RBFOX1: variants seen among roughly 807,000 people sequenced by gnomAD.
RBFOX1 encodes the protein RNA binding protein fox-1 homolog 1.
In RBFOX1, 8 loss-of-function variants were observed where a neutral mutation model predicts 57.7. That is an observed-to-expected ratio of 0.14 (90% CI 0.08 to 0.25). The LOEUF (loss-of-function observed/expected upper bound fraction) is 0.25, where lower values mean the gene tolerates loss of function less well. RBFOX1 is among the 10% of genes least tolerant of loss of function. RBFOX1 has a pLI of 1.00. For missense variants in RBFOX1, 611 were observed against 548.5 expected (o/e 1.11, Z -1.14); for synonymous variants, 326 against 222.4 (o/e 1.47, Z -4.15).
intron 4 of RBFOX1, among the ~76,000 whole-genome samples, chr16:5,993,450 G>A (rs1321435869): frequency 1.3e-5 from 2 of 151,698 alleles, no homozygotes; most frequent in South Asian, 2.1e-4. Flanking sequence ...AGACTTTCAA[G>A]CCTGTTTTGT....
intron 3 of RBFOX1, among the ~76,000 whole-genome samples, chr16:6,866,345 C>T (rs1010439559): frequency 2.0e-5 from 3 of 151,762 alleles, no homozygotes; most frequent in Non-Finnish European, 2.9e-5. Context: ...TCACTTCTTA[C>T]AGTGTAATAA....
chr16:7,708,941 T>C (rs535394173), intron 14 of RBFOX1, 115 bp from the exon 15 acceptor site: 18 of 893,926 alleles, frequency 2.0e-5, no homozygotes, highest in Non-Finnish European at 3.3e-5. Flanking sequence ...AATTTGCTTC[T>C]CACTGGAAGA....
chr16:5,662,661 A>C (rs1054477123), intron 3 of RBFOX1, among the ~76,000 whole-genome samples: 5 of 152,212 alleles, frequency 3.3e-5, no homozygotes, highest in African/African-American at 9.6e-5. Flanking sequence ...CTTAAAACAC[A>C]TGAAATATGG....
chr16:7,173,404 G>C (rs1476790484), intron 4 of RBFOX1, among the ~76,000 whole-genome samples: 2 of 152,072 alleles, frequency 1.3e-5, no homozygotes, highest in Non-Finnish European at 2.9e-5. Context: ...GAAACAACAG[G>C]GTATACGTAT....
intron 2 of RBFOX1, among the ~76,000 whole-genome samples, chr16:6,468,167 G>C (rs1428697266): frequency 6.6e-6 from 1 of 152,190 alleles, no homozygotes; most frequent in Non-Finnish European, 1.5e-5. Flanking sequence ...AACACCTCCA[G>C]TATAATGGCA....
chr16:7,199,064 C>G (rs2087569682), intron 4 of RBFOX1, among the ~76,000 whole-genome samples: 1 of 152,184 alleles, frequency 6.6e-6, no homozygotes, highest in African/African-American at 2.4e-5. Flanking sequence ...GTAAGAATAT[C>G]ATCACCACAG....
At chr16:6,439,121 T>C (rs1206880034) in intron 2 of RBFOX1, among the ~76,000 whole-genome samples, 1 of 152,190 alleles carries the variant, frequency 6.6e-6, no homozygotes, top group East Asian at 1.9e-4. Flanking sequence ...CAAGGGCAGC[T>C]GGATCCCACT....
chr16:6,716,090 T>G (rs1275168992), intron 3 of RBFOX1, among the ~76,000 whole-genome samples: 1 of 152,238 alleles, frequency 6.6e-6, no homozygotes, highest in East Asian at 1.9e-4. Flanking sequence ...TGACAATATG[T>G]GTTTTTGGAA....
chr16:5,500,832 T>TA (rs1376856351), intron 2 of RBFOX1, among the ~76,000 whole-genome samples: 3 of 152,218 alleles, frequency 2.0e-5, no homozygotes, highest in Non-Finnish European at 4.4e-5. Flanking sequence ...ATCCTATACT[T>TA]ACGAATTGCC....
intron 2 of RBFOX1, among the ~76,000 whole-genome samples, chr16:6,626,718 C>A (rs989403572): frequency 1.3e-5 from 2 of 151,896 alleles, no homozygotes; most frequent in Non-Finnish European, 2.9e-5. Context: ...CAAGATTGCA[C>A]CACAGCACCC....
intron 2 of RBFOX1, among the ~76,000 whole-genome samples, chr16:6,362,241 T>C (rs916421582): frequency 6.6e-6 from 1 of 152,110 alleles, no homozygotes; most frequent in South Asian, 2.1e-4. Flanking sequence ...TCACATCTAT[T>C]TGTGAAACAC....
At chr16:6,134,779 G>T (rs937589998) in intron 1 of RBFOX1, among the ~76,000 whole-genome samples, 39 of 151,322 alleles carry the variant, frequency 2.6e-4, no homozygotes, top group South Asian at 1.0e-3. Flanking sequence ...CCGGGTTCAC[G>T]CCATAAACTC....
chr16:6,613,005 GTGTGTGTGT>G (rs2098087500), intron 2 of RBFOX1, among the ~76,000 whole-genome samples: 1 of 1,364 alleles, frequency 7.3e-4, no homozygotes, highest in African/African-American at 1.1e-3. Context: ...GTCCCAGCAT[GTGTGTGTGT>G]GTGTGTGTGT....
chr16:7,611,312 G>C (rs990640346), intron 10 of RBFOX1, among the ~76,000 whole-genome samples: 1 of 152,120 alleles, frequency 6.6e-6, no homozygotes, highest in African/African-American at 2.4e-5. Context: ...TTGACCAGGC[G>C]TGGTGGCTCA....
chr16:7,246,803 G>A (rs2094320550), intron 4 of RBFOX1, among the ~76,000 whole-genome samples: 1 of 151,936 alleles, frequency 6.6e-6, no homozygotes, highest in Admixed American at 6.6e-5. Flanking sequence ...CAGGTTCAAC[G>A]ACTGGCTGAC....
intron 1 of RBFOX1, 66 bp from the exon 2 acceptor site, chr16:6,316,929 A>G: frequency 2.1e-6 from 3 of 1,421,656 alleles, no homozygotes; most frequent in South Asian, 1.2e-5. Flanking sequence ...TATGACAAAA[A>G]AAGTGCGGAC....
intron 1 of RBFOX1, among the ~76,000 whole-genome samples, chr16:5,439,752 G>A (rs184135885): frequency 6.6e-6 from 1 of 152,220 alleles, no homozygotes; most frequent in Admixed American, 6.5e-5. Context: ...CCAGGAAAGA[G>A]GTTTAATTGA....
At chr16:6,918,325 A>G (rs953519435) in intron 3 of RBFOX1, among the ~76,000 whole-genome samples, 1 of 151,130 alleles carries the variant, frequency 6.6e-6, no homozygotes, top group Non-Finnish European at 1.5e-5. Context: ...ACTCCACCCC[A>G]GGCCTACCGA....
intron 3 of RBFOX1, among the ~76,000 whole-genome samples, chr16:5,819,625 C>G (rs1302031700): frequency 6.6e-6 from 1 of 152,242 alleles, no homozygotes; most frequent in Non-Finnish European, 1.5e-5. Flanking sequence ...TGTACTGACG[C>G]TGGACTACTT....
Sources: gnomAD v4.1 joint callset for allele counts (sites outside exome capture counted in the v4.1 genomes callset) on GRCh38, gnomAD v4.1.1 for gene constraint, MANE v1.5 for transcripts, NCBI Gene and HGNC (gene_info 2026-07-23, HGNC 2026-07-21) for gene names.